Variants in PTPRD observed in about 807,000 individuals in gnomAD.
The protein encoded by PTPRD is receptor-type tyrosine-protein phosphatase delta.
A neutral mutation model predicts 214.5 loss-of-function variants in PTPRD; 34 were observed. That is an observed-to-expected ratio of 0.16 (90% CI 0.12 to 0.21). PTPRD has a LOEUF of 0.21. Among genes scored for constraint, PTPRD ranks in the 10% least tolerant of loss-of-function variants. The pLI, the probability that PTPRD is intolerant of heterozygous loss-of-function variation, is 1.00. For synonymous variants in PTPRD, 1,128 were observed against 845.7 expected (o/e 1.33, Z -5.79); for missense variants, 2,545 against 2,398.7 (o/e 1.06, Z -1.27).
In PTPRD at chr9:8,500,800, G is replaced by T. The variant is rs2136953570; in HGVS notation, c.2082C>A (p.Gly694=). 6.2e-7 allele frequency: 1 copy of T among 1,614,126 alleles called. No homozygotes were observed. Among genetic ancestry groups the T allele is most frequent in the Non-Finnish European group, 8.5e-7 (1 of 1,180,010 alleles). Residue 694 remains glycine (G), a synonymous_variant, in exon 24 of 46, where the codon GGC becomes GGA. Coordinates refer to ENST00000381196, the MANE Select transcript of PTPRD (RefSeq NM_002839.4). ...ACACGGACAAGCTCTCAGGGCCAGGGCCGACATCTGTATGGGCTGTCACAG... is the reference window on the plus strand; with the variant it reads ...ACACGGACAAGCTCTCAGGGCCAGGTCCGACATCTGTATGGGCTGTCACAG... ...RITVTAHTDV[G]PGPESLSVLI... is the part of the protein sequence containing the mutation.
chr9:9,559,379 C>A (rs1031913835), intron 8 of PTPRD, among the ~76,000 whole-genome samples: 1 of 152,244 alleles, frequency 6.6e-6, no homozygotes, highest in Non-Finnish European at 1.5e-5. Flanking sequence ...TAGCTCCCTC[C>A]CGCAGCTGGG....
At chr9:9,036,737 T>C (rs1158748688) in intron 10 of PTPRD, among the ~76,000 whole-genome samples, 1 of 152,154 alleles carries the variant, frequency 6.6e-6, no homozygotes, top group Admixed American at 6.6e-5. Flanking sequence ...TTATATTTAA[T>C]AGTTTCCTTC....
chr9:8,328,769 A>T (rs1356090655), intron 44 of PTPRD, among the ~76,000 whole-genome samples: 1 of 151,500 alleles, frequency 6.6e-6, no homozygotes, highest in Non-Finnish European at 1.5e-5. Context: ...GCTTTATTTC[A>T]TTGAGTTGAT....
At chr9:9,777,896 G>C (rs1199054063) in intron 5 of PTPRD, among the ~76,000 whole-genome samples, 2 of 151,896 alleles carry the variant, frequency 1.3e-5, no homozygotes, top group African/African-American at 4.8e-5. Flanking sequence ...ACCCCAAATG[G>C]GTTTATACAT....
At chr9:9,318,315 T>C (rs1379566862) in intron 9 of PTPRD, among the ~76,000 whole-genome samples, 1 of 152,024 alleles carries the variant, frequency 6.6e-6, no homozygotes, top group Non-Finnish European at 1.5e-5. Flanking sequence ...TGAAACCACT[T>C]TCCAATGTGC....
chr9:8,871,765 C>T (rs1312427498), intron 11 of PTPRD, among the ~76,000 whole-genome samples: 1 of 146,420 alleles, frequency 6.8e-6, no homozygotes, highest in Non-Finnish European at 1.5e-5. Flanking sequence ...ATTGATTTTA[C>T]CTTGGTACAG....
chr9:9,594,811 G>T (rs2093123273), intron 7 of PTPRD, among the ~76,000 whole-genome samples: 1 of 152,078 alleles, frequency 6.6e-6, no homozygotes. Flanking sequence ...CAGAGTGGGA[G>T]AAAATCTTCA....
intron 14 of PTPRD, among the ~76,000 whole-genome samples, chr9:8,537,896 G>C (rs2077344835): frequency 6.6e-6 from 1 of 151,932 alleles, no homozygotes; most frequent in East Asian, 1.9e-4. Flanking sequence ...GTAGCTCCAA[G>C]TTTACATTGC....
intron 11 of PTPRD, among the ~76,000 whole-genome samples, chr9:8,931,418 T>C (rs1002299396): frequency 1.3e-5 from 2 of 152,178 alleles, no homozygotes; most frequent in African/African-American, 2.4e-5. Context: ...TTTGTTCTTT[T>C]GGCTTAGGAT....
intron 8 of PTPRD, among the ~76,000 whole-genome samples, chr9:9,537,266 A>G (rs1400653560): frequency 1.3e-5 from 2 of 152,000 alleles, no homozygotes; most frequent in Non-Finnish European, 2.9e-5. Context: ...GAAAAAAACG[A>G]AGTTTTAACG....
chr9:10,143,304 A>AAAAT (rs537097421), intron 3 of PTPRD, among the ~76,000 whole-genome samples: 20,324 of 141,252 alleles, frequency 0.14, 1,474 homozygotes, highest in South Asian at 0.29. Context: ...TAAAATAAAA[A>AAAAT]AATAAATGCT....
At chr9:8,844,535 G>C (rs527943254) in intron 11 of PTPRD, among the ~76,000 whole-genome samples, 1 of 152,226 alleles carries the variant, frequency 6.6e-6, no homozygotes, top group South Asian at 2.1e-4. Context: ...ATGAGGCCAA[G>C]ATTATGCATA....
intron 3 of PTPRD, among the ~76,000 whole-genome samples, chr9:10,082,996 C>T (rs2154191169): frequency 6.6e-6 from 1 of 152,098 alleles, no homozygotes; most frequent in African/African-American, 2.4e-5. Flanking sequence ...CAAAAGTCAA[C>T]ATTAAAGACT....
At chr9:9,308,161 G>C (rs901334480) in intron 9 of PTPRD, among the ~76,000 whole-genome samples, 1 of 152,060 alleles carries the variant, frequency 6.6e-6, no homozygotes, top group Non-Finnish European at 1.5e-5. Context: ...TTTGTGTTAG[G>C]CTCTTTTTAA....
At chr9:9,173,634 A>G (rs1224015987) in intron 10 of PTPRD, among the ~76,000 whole-genome samples, 2 of 152,138 alleles carry the variant, frequency 1.3e-5, no homozygotes, top group Non-Finnish European at 2.9e-5. Context: ...TTGTAATACA[A>G]TGGCATGTGT....
intron 7 of PTPRD, among the ~76,000 whole-genome samples, chr9:9,582,390 G>C (rs2091027768): frequency 1.3e-5 from 2 of 152,012 alleles, no homozygotes; most frequent in South Asian, 4.1e-4. Context: ...TATATCATAA[G>C]AGGCCACCCC....
chr9:10,426,589 T>G (rs1398291639), intron 2 of PTPRD, among the ~76,000 whole-genome samples: 1 of 152,052 alleles, frequency 6.6e-6, no homozygotes, highest in African/African-American at 2.4e-5. Flanking sequence ...GGAAACTGGA[T>G]AAGATAGCAG....
In PTPRD at chr9:9,331,882, T is replaced by G. The variant is rs188939816; in HGVS notation, c.-203+65567A>C. ...GCATACTAATTAGTTCATGTTGATA[T>G]GCCCAACATAGCAAATTCTGGGGAA... On this transcript the variant is annotated intron_variant, in intron 9 of 45. Transcript: ENST00000381196. Among the ~76,000 whole-genome samples, 85 of 152,040 alleles carry G rather than the reference T, an allele frequency of 5.6e-4. 1 individual carries two copies. Among genetic ancestry groups the G allele is most frequent in the Non-Finnish European group, 1.1e-3 (78 of 67,982 alleles).
At chr9:9,202,454 T>C (rs2099942440) in intron 9 of PTPRD, among the ~76,000 whole-genome samples, 1 of 152,208 alleles carries the variant, frequency 6.6e-6, no homozygotes, top group Non-Finnish European at 1.5e-5. Context: ...ATTGTTGGAT[T>C]GAAAATTTTT....
Sources: allele counts gnomAD v4.1 joint callset (sites outside exome capture counted in the v4.1 genomes callset), GRCh38; gene constraint gnomAD v4.1.1; transcripts MANE v1.5; gene names NCBI Gene and HGNC (gene_info 2026-07-23, HGNC 2026-07-21).